Variants in TMEM63A observed in about 807,000 individuals in gnomAD.
TMEM63A encodes mechanosensitive cation channel TMEM63A.
Under a neutral mutation model 100.6 loss-of-function variants are expected in TMEM63A, and 76 were observed. The ratio of observed to expected loss-of-function variants is 0.76; its 90% CI spans 0.63 to 0.91. TMEM63A has a LOEUF of 0.91. TMEM63A is among the 40% of genes least tolerant of loss of function. The pLI is 0.00. For synonymous variants in TMEM63A, 401 were observed against 401.1 expected (o/e 1.00, Z 0.00); for missense variants, 876 against 1,008.8 (o/e 0.87, Z 1.78).
downstream of TMEM63A, among the ~76,000 whole-genome samples, chr1:225,841,452 T>C (rs965753420): frequency 6.7e-6 from 1 of 149,432 alleles, no homozygotes; most frequent in Non-Finnish European, 1.5e-5. Flanking sequence ...CTGGCTAATG[T>C]TTTGTATTTT....
At chr1:225,855,089 T>C (rs72754970) in intron 18 of TMEM63A, among the ~76,000 whole-genome samples, 2,020 of 152,310 alleles carry the variant, frequency 0.013, 50 homozygotes, top group East Asian at 0.11. Context: ...ACTCATCAGC[T>C]TACTCAGCAA....
In TMEM63A at chr1:225,848,518, C is replaced by G; in HGVS notation, c.2224G>C (p.Glu742Gln). ...GTGAACGGTGGGGGCATGTGGGCCTCTGCCTCACTTCCTTTGTCACTTGCA... is the reference window on the plus strand; with the variant it reads ...GTGAACGGTGGGGGCATGTGGGCCTGTGCCTCACTTCCTTTGTCACTTGCA... ...EPASDKGSEA[E>Q]AHMPPPFTPY... Residue 742 changes from glutamate (E) to glutamine (Q), a missense_variant, in exon 23 of 25, where the codon GAG (glutamate) becomes CAG (glutamine). Glu to Gln is a conservative substitution (Grantham distance 29). Around this residue, in one of 5 missense-constraint regions of TMEM63A, gnomAD observed 339 missense variants for 342.3 expected, o/e 0.99. Transcript: ENST00000366835. The G allele has an allele frequency of 1.2e-6, 2 of 1,614,180 alleles. No homozygotes were observed. The highest frequency in any genetic ancestry group is 1.7e-6 in the Non-Finnish European group (2 of 1,180,042).
intron 21 of TMEM63A, 48 bp downstream of exon 21, chr1:225,849,864 C>A: frequency 1.3e-6 from 2 of 1,594,914 alleles, no homozygotes; most frequent in South Asian, 1.1e-5. Context: ...GGTGGGGATG[C>A]AGGGCTGGGA....
intron 17 of TMEM63A, 81 bp from the exon 18 acceptor site, chr1:225,856,021 C>T: frequency 6.8e-7 from 1 of 1,461,144 alleles, no homozygotes; most frequent in South Asian, 1.2e-5. Flanking sequence ...TTCTTTTGCT[C>T]TAAAAACAGG....
At chr1:225,871,014 G>A in intron 6 of TMEM63A, 62 bp downstream of exon 6, 1 of 1,573,664 alleles carries the variant, frequency 6.4e-7, no homozygotes, top group Non-Finnish European at 8.7e-7. Context: ...CCTCTTGACT[G>A]GCCAAACACC....
At chr1:225,841,168 T>G (rs965681706), downstream of TMEM63A, 3 of 152,252 alleles carry the variant, frequency 2.0e-5, no homozygotes, top group Non-Finnish European at 4.4e-5. Context: ...GAGATGGTTT[T>G]GATTGTGCCT....
chr1:225,842,400 T>C, downstream of TMEM63A: 1 of 1,614,126 alleles, frequency 6.2e-7, no homozygotes, highest in Non-Finnish European at 8.5e-7. Context: ...TGGGTCTGGC[T>C]GCCTATATTC....
intron 16 of TMEM63A, 24 bp from the exon 17 acceptor site, chr1:225,856,762 C>T (rs1669638432): frequency 1.9e-6 from 3 of 1,609,196 alleles, no homozygotes; most frequent in Non-Finnish European, 2.5e-6. Flanking sequence ...AAGGTGAGCA[C>T]TCGCAGTCCC....
In TMEM63A at chr1:225,852,805, G is replaced by GT; in HGVS notation, c.1798-37dup. The GT allele has an allele frequency of 1.9e-6, 3 of 1,582,960 alleles. No individual in the cohort carries two copies. The East Asian group carries it at 6.7e-5, about 35-fold the overall frequency. Reference sequence around the variant, plus strand: ...GAGGTGGTGAGGAGCTCATGGACTTGTTCCACCTCAAACACCCTTTTGTGC... The same window carrying GT: ...GAGGTGGTGAGGAGCTCATGGACTTGTTTCCACCTCAAACACCCTTTTGTGC... On this transcript the variant is annotated intron_variant, in intron 19 of 24. Coordinates refer to ENST00000366835, the MANE Select transcript of TMEM63A (RefSeq NM_014698.3).
chr1:225,847,179 G>C lies in TMEM63A; in HGVS notation c.2285C>G (p.Ser762Trp). ...CTGCGGAGACAGTGCTGTCCTCTCC[G>C]AGGCCAAGCCGTTCAGAATCCGAGG... ...YVPRILNGLA[S>W]ERTALSPQQQ... Residue 762 changes from serine to tryptophan, a missense_variant, in exon 24 of 25, where the codon TCG (serine) becomes TGG (tryptophan). By Grantham distance (177) the Ser-to-Trp change is radical (BLOSUM62 -3). Coordinates refer to ENST00000366835, the MANE Select transcript of TMEM63A (RefSeq NM_014698.3). 1 of 1,613,360 alleles carries C rather than the reference G, an allele frequency of 6.2e-7. No individual in the cohort carries two copies. The highest frequency in any genetic ancestry group is 8.5e-7 in the Non-Finnish European group (1 of 1,180,006).
At chr1:225,870,156 C>T (rs1433502596) in intron 6 of TMEM63A, among the ~76,000 whole-genome samples, 7 of 151,906 alleles carry the variant, frequency 4.6e-5, no homozygotes, top group African/African-American at 1.7e-4. Context: ...TGGAGATCCG[C>T]GTGACCAACA....
At chr1:225,868,272 C>A (rs907980443) in intron 6 of TMEM63A, among the ~76,000 whole-genome samples, 2 of 152,208 alleles carry the variant, frequency 1.3e-5, no homozygotes, top group Non-Finnish European at 2.9e-5. Flanking sequence ...GGAATACCAG[C>A]ACTCCATCTG....
At chr1:225,842,065 A>G (rs1668473074), downstream of TMEM63A, among the ~76,000 whole-genome samples, 1 of 152,228 alleles carries the variant, frequency 6.6e-6, no homozygotes, top group Non-Finnish European at 1.5e-5. Context: ...AGCACTTCTC[A>G]TTGGGACCCC....
intron 1 of TMEM63A, among the ~76,000 whole-genome samples, chr1:225,881,278 G>A (rs993353434): frequency 1.3e-5 from 2 of 152,178 alleles, no homozygotes; most frequent in Admixed American, 6.5e-5. Context: ...TCTGTGCCTT[G>A]GCTTCCTTCG....
chr1:225,861,963 C>T, intron 13 of TMEM63A: 1 of 571,074 alleles, frequency 1.8e-6, no homozygotes, highest in Non-Finnish European at 3.1e-6. Context: ...TGGGGCCAGG[C>T]CACATCAGCT....
At chr1:225,859,455 G>A (rs1669823406) in intron 14 of TMEM63A, 106 bp from the exon 15 acceptor site, 1 of 1,403,982 alleles carries the variant, frequency 7.1e-7, no homozygotes, top group Non-Finnish European at 9.7e-7. Flanking sequence ...TAGCCTGGGG[G>A]CAAGTTCTCT....
Position 225,855,898 on chromosome 1 carries a change from C to T in TMEM63A, c.1614G>A (p.Ser538=), listed in dbSNP as rs754566282. ...FFRWLFDKTS[S]EASIRLECVF... The stretch of plus-strand genomic sequence containing the variant: ...CTCACTCCAACCTGATGGAGGCCTC[C>T]GAGGAAGTTTTGTCAAAGAGCCACC... The change falls in exon 18 of 25, where the codon TCG becomes TCA. Residue 538 remains serine, a synonymous_variant. Coordinates refer to ENST00000366835, the MANE Select transcript of TMEM63A (RefSeq NM_014698.3). 23 of 1,613,916 alleles carry T rather than the reference C, an allele frequency of 1.4e-5. No homozygotes were observed. Among genetic ancestry groups the T allele is most frequent in the African/African-American group, 9.3e-5 (7 of 74,902 alleles).
intron 21 of TMEM63A, among the ~76,000 whole-genome samples, chr1:225,849,645 C>T (rs539579859): frequency 6.6e-6 from 1 of 152,350 alleles, no homozygotes; most frequent in East Asian, 1.9e-4. Context: ...AACACCACAC[C>T]CAACCAGCCC....
chr1:225,842,833 G>T (rs1668542522), downstream of TMEM63A, among the ~76,000 whole-genome samples: 1 of 152,228 alleles, frequency 6.6e-6, no homozygotes, highest in African/African-American at 2.4e-5. Context: ...CCTGGCATCA[G>T]GGTCACGTGA....
Sources: gnomAD v4.1 joint callset for allele counts (sites outside exome capture counted in the v4.1 genomes callset) on GRCh38, gnomAD v4.1.1 for gene constraint, gnomAD v4.1.1 regional missense constraint, MANE v1.5 for transcripts, NCBI Gene and HGNC (gene_info 2026-07-23, HGNC 2026-07-21) for gene names.